The following COL25A1 variants were observed in gnomAD, a reference collection of about 807,000 sequenced individuals.
COL25A1 encodes collagen type XXV alpha 1 chain.
Under a neutral mutation model 128.4 loss-of-function variants are expected in COL25A1, and 103 were observed. The ratio of observed to expected loss-of-function variants is 0.80; its 90% CI spans 0.68 to 0.94. The LOEUF (loss-of-function observed/expected upper bound fraction) is 0.94. Ranked by LOEUF, COL25A1 falls within the 40% of genes least tolerant of loss-of-function variation. COL25A1 has a pLI of 0.00. For missense variants in COL25A1, 745 were observed against 840.0 expected (o/e 0.89, Z 1.40); for synonymous variants, 279 against 277.2 (o/e 1.01, Z -0.06).
chr4:109,262,949 G>A (rs570595371), intron 3 of COL25A1, among the ~76,000 whole-genome samples: 1 of 152,142 alleles, frequency 6.6e-6, no homozygotes, highest in African/African-American at 2.4e-5. Flanking sequence ...GACCAACATG[G>A]TGAAACCCCA....
At chr4:109,098,800 G>A (rs910390169) in intron 3 of COL25A1, among the ~76,000 whole-genome samples, 4 of 152,216 alleles carry the variant, frequency 2.6e-5, no homozygotes, top group South Asian at 2.1e-4. Flanking sequence ...AGGATGTTTA[G>A]TCTATAACCA....
chr4:109,154,601 T>C (rs1771854321), intron 3 of COL25A1, among the ~76,000 whole-genome samples: 1 of 152,172 alleles, frequency 6.6e-6, no homozygotes, highest in South Asian at 2.1e-4. Flanking sequence ...TTCCTCTCCA[T>C]AGCTGAGGCA....
At chr4:109,263,842 G>A (rs1381290058) in intron 3 of COL25A1, among the ~76,000 whole-genome samples, 1 of 152,022 alleles carries the variant, frequency 6.6e-6, no homozygotes, top group African/African-American at 2.4e-5. Context: ...AACCAAGAAG[G>A]AAAAACAAAA....
chr4:109,081,968 G>C (rs936997934), intron 3 of COL25A1, among the ~76,000 whole-genome samples: 1 of 152,166 alleles, frequency 6.6e-6, no homozygotes, highest in Non-Finnish European at 1.5e-5. Flanking sequence ...CATCCCAAAA[G>C]TGCTGGGATT....
intron 8 of COL25A1, chr4:108,942,256 A>G (rs1748201019): frequency 6.5e-7 from 1 of 1,550,354 alleles, no homozygotes. Context: ...ACTGTGGGGA[A>G]GCCTGGCAGG....
At chr4:109,048,198 G>C (rs767590620) in intron 4 of COL25A1, 23 bp from the exon 5 acceptor site, 11 of 1,607,406 alleles carry the variant, frequency 6.8e-6, no homozygotes, top group East Asian at 6.7e-5. Flanking sequence ...CAGGTGGAGA[G>C]AGAAGAGAGA....
chr4:109,104,190 T>A (rs529595668), intron 3 of COL25A1, among the ~76,000 whole-genome samples: 1 of 151,912 alleles, frequency 6.6e-6, no homozygotes, highest in South Asian at 2.1e-4. Context: ...CCTAGCAAAA[T>A]GTTGAGACCC....
chr4:109,003,479 C>G (rs1262799296), intron 6 of COL25A1, among the ~76,000 whole-genome samples: 4 of 152,116 alleles, frequency 2.6e-5, no homozygotes, highest in Non-Finnish European at 4.4e-5. Flanking sequence ...TTAGCCTTAC[C>G]CTTAAATAAT....
At chr4:109,172,058 G>A (rs1773642822) in intron 3 of COL25A1, among the ~76,000 whole-genome samples, 1 of 152,116 alleles carries the variant, frequency 6.6e-6, no homozygotes, top group African/African-American at 2.4e-5. Context: ...TATATGTCCT[G>A]CAGGGCCACC....
chr4:109,070,231 G>C (rs1354271236), intron 3 of COL25A1, among the ~76,000 whole-genome samples: 1 of 151,120 alleles, frequency 6.6e-6, no homozygotes, highest in Non-Finnish European at 1.5e-5. Flanking sequence ...CTGGGAGACA[G>C]AGCGAGACTC....
Position 108,963,830 on chromosome 4 carries a change from G to A in COL25A1, c.492+10537C>T, listed in dbSNP as rs543195308. 2.6e-4 allele frequency among the ~76,000 whole-genome samples: 39 copies of A among 151,254 alleles called. No individual in the cohort carries two copies. The South Asian group carries it at 7.7e-3, about 30-fold the overall frequency. The stretch of plus-strand genomic sequence containing the variant: ...TACATATACAAATATATTCTCTTTC[G>A]ATTAAAATATGTCATTCTACTTAAT... On this transcript the variant is annotated intron_variant, in intron 8 of 37. Transcript: ENST00000399132.
intron 5 of COL25A1, among the ~76,000 whole-genome samples, chr4:109,019,564 C>A (rs2126061897): frequency 6.6e-6 from 1 of 151,864 alleles, no homozygotes; most frequent in East Asian, 1.9e-4. Context: ...TACATGGTGG[C>A]AGCCGAGAGA....
intron 3 of COL25A1, among the ~76,000 whole-genome samples, chr4:109,084,218 C>T (rs974079143): frequency 2.0e-5 from 3 of 151,892 alleles, no homozygotes; most frequent in African/African-American, 7.3e-5. Flanking sequence ...TCCTTGAGGG[C>T]AAAGGACACA....
chr4:108,880,333 T>C (rs911311877), intron 19 of COL25A1, among the ~76,000 whole-genome samples: 2 of 152,176 alleles, frequency 1.3e-5, no homozygotes, highest in Non-Finnish European at 2.9e-5. Context: ...TGTGATGTCA[T>C]GTTTGGAGAA....
At chr4:109,202,450 C>T (rs1776626604) in intron 3 of COL25A1, among the ~76,000 whole-genome samples, 1 of 151,496 alleles carries the variant, frequency 6.6e-6, no homozygotes, top group Admixed American at 6.6e-5. Flanking sequence ...TTACACCTTT[C>T]ACAAAGCCTA....
intron 3 of COL25A1, among the ~76,000 whole-genome samples, chr4:109,285,804 C>T (rs1349869818): frequency 2.6e-5 from 4 of 152,186 alleles, no homozygotes; most frequent in African/African-American, 9.6e-5. Context: ...AGGATATTTA[C>T]ACCCGAAAAA....
intron 5 of COL25A1, among the ~76,000 whole-genome samples, chr4:109,045,399 G>A (rs537667647): frequency 1.1e-4 from 17 of 152,232 alleles, no homozygotes; most frequent in African/African-American, 4.1e-4. Context: ...AATTAAAATT[G>A]TCAGTAATTG....
At chr4:108,851,238 TAG>T (rs1276041782) in intron 26 of COL25A1, among the ~76,000 whole-genome samples, 6 of 152,034 alleles carry the variant, frequency 3.9e-5, no homozygotes, top group African/African-American at 1.4e-4. Flanking sequence ...GCTGGAGAAA[TAG>T]AAAGTTAAAA....
chr4:109,285,355 G>A (rs1723774588), intron 3 of COL25A1, among the ~76,000 whole-genome samples: 2 of 152,148 alleles, frequency 1.3e-5, no homozygotes, highest in African/African-American at 4.8e-5. Flanking sequence ...GTCCAAAATT[G>A]AAAGCTCTAT....
Sources: allele counts gnomAD v4.1 joint callset (sites outside exome capture counted in the v4.1 genomes callset), GRCh38; gene constraint gnomAD v4.1.1; transcripts MANE v1.5; gene names NCBI Gene and HGNC (gene_info 2026-07-23, HGNC 2026-07-21).